The following PPFIA2 variants were observed in gnomAD, a reference collection of about 807,000 sequenced individuals.
PPFIA2 encodes the protein PPFI scaffold protein A2.
A neutral mutation model predicts 175.5 loss-of-function variants in PPFIA2; 46 were observed. That is an observed-to-expected ratio of 0.26 (90% CI 0.21 to 0.34). The LOEUF (loss-of-function observed/expected upper bound fraction) is 0.34, where lower values mean the gene tolerates loss of function less well. Among genes scored for constraint, PPFIA2 ranks in the 10% least tolerant of loss-of-function variants. The pLI, the probability that PPFIA2 is intolerant of heterozygous loss-of-function variation, is 1.00. For synonymous variants in PPFIA2, 568 were observed against 511.4 expected (o/e 1.11, Z -1.49); for missense variants, 1,179 against 1,506.1 (o/e 0.78, Z 3.60).
Position 81,672,466 on chromosome 12 carries a change from C to T in PPFIA2, c.303+4325G>A, listed in dbSNP as rs576321766. On this transcript the variant is annotated intron_variant, in intron 4 of 32. Coordinates refer to ENST00000549396, the MANE Select transcript of PPFIA2 (RefSeq NM_003625.5). ...ACAATTAAAATGAGAACAGAAAGTA[C>T]AATTCTGTTTCCTCAGTGGGGAAAA... is the stretch of plus-strand genomic sequence containing the variant. 6.6e-5 allele frequency among the ~76,000 whole-genome samples: 10 copies of T among 151,894 alleles called. No homozygotes were observed. The South Asian group carries it at 2.1e-3, about 32-fold the overall frequency.
chr12:81,715,974 T>G (rs900694853), intron 3 of PPFIA2, among the ~76,000 whole-genome samples: 1 of 151,510 alleles, frequency 6.6e-6, no homozygotes, highest in African/African-American at 2.4e-5. Flanking sequence ...GGAATAAATT[T>G]ATTAAATTTT....
chr12:81,455,056 A>C (rs546462361), intron 5 of PPFIA2, among the ~76,000 whole-genome samples: 1 of 152,300 alleles, frequency 6.6e-6, no homozygotes, highest in African/African-American at 2.4e-5. Context: ...ACACCAATTA[A>C]AGTTTCTTTA....
intron 22 of PPFIA2, among the ~76,000 whole-genome samples, chr12:81,322,016 T>C (rs2053764803): frequency 6.6e-6 from 1 of 152,154 alleles, no homozygotes; most frequent in Non-Finnish European, 1.5e-5. Context: ...TTTTATTTTT[T>C]GTAAAAACAG....
intron 3 of PPFIA2, among the ~76,000 whole-genome samples, chr12:81,751,554 C>T (rs1173769961): frequency 6.6e-6 from 1 of 151,532 alleles, no homozygotes; most frequent in Non-Finnish European, 1.5e-5. Context: ...CACACACACA[C>T]ACACACACAC....
intron 3 of PPFIA2, among the ~76,000 whole-genome samples, chr12:81,714,888 A>T (rs897690679): frequency 6.6e-6 from 1 of 151,166 alleles, no homozygotes; most frequent in East Asian, 2.0e-4. Context: ...TTATGAGGAC[A>T]TATATGTTAA....
intron 4 of PPFIA2, among the ~76,000 whole-genome samples, chr12:81,613,688 G>A (rs1016382501): frequency 6.6e-6 from 1 of 152,078 alleles, no homozygotes; most frequent in African/African-American, 2.4e-5. Context: ...TTTCCTTAGT[G>A]TGCAAAAGTT....
chr12:81,294,002 C>T (rs1342634499), intron 24 of PPFIA2, among the ~76,000 whole-genome samples: 2 of 149,040 alleles, frequency 1.3e-5, no homozygotes, highest in African/African-American at 4.9e-5. Flanking sequence ...ATAAATGGAA[C>T]TGGAGACCAT....
At position 81,565,163 on chromosome 12, in the gene PPFIA2, C is replaced by A. The variant is rs145725698; in HGVS notation, c.304-107297G>T. Reference sequence around the variant, plus strand: ...CCTCCCCGATCCATGCTGCCATCAGCCTCTCCACCTTTGTCTGAGGAGATA... The same window carrying A: ...CCTCCCCGATCCATGCTGCCATCAGACTCTCCACCTTTGTCTGAGGAGATA... On this transcript the variant is annotated intron_variant, in intron 4 of 32. Transcript: ENST00000549396. Among the ~76,000 whole-genome samples, 12 of 152,294 alleles carry A rather than the reference C, an allele frequency of 7.9e-5. No individual in the cohort carries two copies. In the East Asian group the frequency reaches 2.3e-3, roughly 29 times the overall value.
chr12:81,436,329 A>G (rs12817409), intron 7 of PPFIA2, among the ~76,000 whole-genome samples: 3 of 129,386 alleles, frequency 2.3e-5, no homozygotes, highest in Admixed American at 8.8e-5. Flanking sequence ...AAAAAAAAAA[A>G]GTTAAATCTG....
chr12:81,419,326 C>A (rs1365161999), intron 7 of PPFIA2, among the ~76,000 whole-genome samples: 1 of 151,842 alleles, frequency 6.6e-6, no homozygotes, highest in East Asian at 1.9e-4. Flanking sequence ...AAATGTTATT[C>A]ATGAAAAAAA....
intron 7 of PPFIA2, among the ~76,000 whole-genome samples, chr12:81,414,265 A>G (rs2044535117): frequency 1.3e-5 from 2 of 151,710 alleles, no homozygotes; most frequent in African/African-American, 2.4e-5. Context: ...CAGGACTACA[A>G]GTTTGTGGTC....
chr12:81,612,260 G>A (rs766450896), intron 4 of PPFIA2, among the ~76,000 whole-genome samples: 2 of 151,990 alleles, frequency 1.3e-5, no homozygotes, highest in African/African-American at 4.8e-5. Flanking sequence ...GCATAGGATC[G>A]TAGTGCTCAT....
At chr12:81,503,233 T>C (rs2060782528) in intron 4 of PPFIA2, among the ~76,000 whole-genome samples, 1 of 152,144 alleles carries the variant, frequency 6.6e-6, no homozygotes, top group South Asian at 2.1e-4. Context: ...TTTTTATTTT[T>C]ATTTTTATTT....
intron 3 of PPFIA2, among the ~76,000 whole-genome samples, chr12:81,706,587 A>T (rs1452820494): frequency 6.6e-6 from 1 of 152,208 alleles, no homozygotes; most frequent in Non-Finnish European, 1.5e-5. Context: ...CTAAATAAAC[A>T]TCAGGTAGAA....
At chr12:81,505,321 A>C (rs997200989) in intron 4 of PPFIA2, among the ~76,000 whole-genome samples, 1 of 152,142 alleles carries the variant, frequency 6.6e-6, no homozygotes, top group Non-Finnish European at 1.5e-5. Flanking sequence ...ACTACTCAAA[A>C]GAATGCTGAA....
chr12:81,381,229 G>A (rs141658594), intron 9 of PPFIA2, among the ~76,000 whole-genome samples: 19 of 152,168 alleles, frequency 1.2e-4, no homozygotes, highest in African/African-American at 4.3e-4. Flanking sequence ...ACATAGAAAC[G>A]ATGGGGCTGA....
At chr12:81,454,801 T>C (rs929325733) in intron 5 of PPFIA2, among the ~76,000 whole-genome samples, 5 of 152,096 alleles carry the variant, frequency 3.3e-5, no homozygotes, top group African/African-American at 9.7e-5. Flanking sequence ...ACTTTGGAAA[T>C]TGGAATGCTC....
At chr12:81,690,824 T>A (rs1393662031) in intron 3 of PPFIA2, among the ~76,000 whole-genome samples, 1 of 152,166 alleles carries the variant, frequency 6.6e-6, no homozygotes, top group Non-Finnish European at 1.5e-5. Context: ...CCTTGCCTTA[T>A]CCAGCTTTTA....
At chr12:81,407,406 C>T (rs2142980848) in intron 7 of PPFIA2, among the ~76,000 whole-genome samples, 1 of 151,726 alleles carries the variant, frequency 6.6e-6, no homozygotes, top group Admixed American at 6.6e-5. Context: ...TCCCTTGAAC[C>T]TGGGAGGCGG....
Sources: gnomAD v4.1 joint callset for allele counts (sites outside exome capture counted in the v4.1 genomes callset) on GRCh38, gnomAD v4.1.1 for gene constraint, MANE v1.5 for transcripts, NCBI Gene and HGNC (gene_info 2026-07-23, HGNC 2026-07-21) for gene names.